Variants in TMEM106B observed in about 807,000 individuals in gnomAD.
The protein encoded by TMEM106B is transmembrane protein 106B.
TMEM106B carries 15 observed loss-of-function variants against 31.1 expected under a neutral mutation model. The observed-to-expected ratio is 0.48, with a 90% CI of 0.32 to 0.74. The LOEUF is 0.74. Ranked by LOEUF, TMEM106B falls within the 30% of genes least tolerant of loss-of-function variation. The probability of loss-of-function intolerance (pLI) is 0.03; values close to 1 mark genes in which losing one functional copy is unlikely to be tolerated. For synonymous variants in TMEM106B, 126 were observed against 112.5 expected (o/e 1.12, Z -0.76); for missense variants, 283 against 327.3 (o/e 0.86, Z 1.04).
rs996712243 is a variant in TMEM106B at position 12,236,368 on chromosome 7, A to C, written c.*4393A>C. 6.6e-6 allele frequency: 1 copy of C among 151,818 alleles called. No individual in the cohort carries two copies. The highest frequency in any genetic ancestry group is 1.9e-4 in the East Asian group (1 of 5,188). 9.4% of individuals were successfully genotyped at this position (151,818 alleles called of 1,614,324 possible). On this transcript the variant is annotated 3_prime_UTR_variant, in exon 8 of 8. Coordinates refer to ENST00000396668, the MANE Select transcript of TMEM106B (RefSeq NM_001134232.2). ...TTATTTGTACAAGTATTTATCACAG[A>C]CTCTAAATTGAAAAATGTAGTATGA...
intron 4 of TMEM106B, among the ~76,000 whole-genome samples, chr7:12,228,254 A>G (rs1047345161): frequency 3.3e-5 from 5 of 151,762 alleles, no homozygotes; most frequent in Non-Finnish European, 7.4e-5. Flanking sequence ...TTTTTTTACT[A>G]AAACTATTTT....
intron 1 of TMEM106B, among the ~76,000 whole-genome samples, chr7:12,212,913 G>A (rs1030516679): frequency 6.6e-6 from 1 of 152,072 alleles, no homozygotes. Flanking sequence ...TTTAGGAACC[G>A]CTAAAAGACA....
chr7:12,224,912 C>T lies in TMEM106B; in HGVS notation c.441+527C>T, dbSNP rs753274285. Among the ~76,000 whole-genome samples the T allele has an allele frequency of 7.1e-4, 107 of 151,560 alleles. 1 individual carries two copies. The highest frequency in any genetic ancestry group is 7.9e-4 in the Admixed American group (12 of 15,186). On this transcript the variant is annotated intron_variant, in intron 4 of 7. Transcript: ENST00000396668. ...TATTAAGTTCTAGGGTACATGTGCA[C>T]AGCATGCAGGTTTGTTACATATGTA... is the stretch of plus-strand genomic sequence containing the variant.
chr7:12,225,227 A>T (rs1178119852), intron 4 of TMEM106B, among the ~76,000 whole-genome samples: 1 of 152,176 alleles, frequency 6.6e-6, no homozygotes, highest in Non-Finnish European at 1.5e-5. Flanking sequence ...ATAGTATTCC[A>T]TGGTGTATAT....
At chr7:12,216,752 A>G (rs1430583783) in intron 2 of TMEM106B, among the ~76,000 whole-genome samples, 1 of 152,206 alleles carries the variant, frequency 6.6e-6, no homozygotes, top group Non-Finnish European at 1.5e-5. Context: ...AAGTGAAGAA[A>G]GTGTACCAAG....
chr7:12,240,900 A>T lies in TMEM106B; in HGVS notation c.*8925A>T, dbSNP rs1450780720. 2 of 152,164 alleles carry T rather than the reference A, an allele frequency of 1.3e-5. No individual in the cohort carries two copies. Among genetic ancestry groups the T allele is most frequent in the African/African-American group, 4.8e-5 (2 of 41,438 alleles). The allele number at this position is 152,164 out of a possible 1,614,324, so 9.4% of individuals were successfully genotyped here. On this transcript the variant is annotated 3_prime_UTR_variant, in exon 8 of 8. Coordinates refer to ENST00000396668, the MANE Select transcript of TMEM106B (RefSeq NM_001134232.2). ...AGTGTACAGTCACTTCTTCAGTGAT[A>T]ACTTACTGAGTGTGATTCAACAAAA...
rs1782188747 is a variant in TMEM106B, at chr7:12,238,746, T to C, written c.*6771T>C. 3 of 152,150 alleles carry C rather than the reference T, an allele frequency of 2.0e-5. No individual in the cohort carries two copies. The South Asian group carries it at 6.2e-4, about 32-fold the overall frequency. 9.4% of individuals were successfully genotyped at this position (152,150 alleles called of 1,614,324 possible). A position where few individuals can be genotyped will look rare whatever the true frequency, so the allele number is the denominator to read the frequency against. On this transcript the variant is annotated 3_prime_UTR_variant, in exon 8 of 8. Coordinates refer to ENST00000396668, the MANE Select transcript of TMEM106B (RefSeq NM_001134232.2). Reference sequence around the variant, plus strand: ...CAGGTACATTGTCAATGAGTAGTAATACTTTGAAAGGAATTTTTTTTTCCA... The same window carrying C: ...CAGGTACATTGTCAATGAGTAGTAACACTTTGAAAGGAATTTTTTTTTCCA...
In TMEM106B at chr7:12,232,893, G is replaced by C. The variant is rs2128528252; in HGVS notation, c.*918G>C. ...AAATAAATTTGAAATAAAATATTTT[G>C]ATGCTCCATTTTTTTATGTTGCTTT... is the stretch of plus-strand genomic sequence containing the variant. On this transcript the variant is annotated 3_prime_UTR_variant, in exon 8 of 8. Transcript: ENST00000396668. 6.6e-6 allele frequency: 1 copy of C among 151,888 alleles called. No homozygotes were observed. Among genetic ancestry groups the C allele is most frequent in the Admixed American group, 6.6e-5 (1 of 15,230 alleles). The allele number at this position is 151,888 out of a possible 1,614,324, so 9.4% of individuals were successfully genotyped here. A position where few individuals can be genotyped will look rare whatever the true frequency, so the allele number is the denominator to read the frequency against.
Position 12,233,000 on chromosome 7 carries a change from A to G in TMEM106B, c.*1025A>G, listed in dbSNP as rs1179229516. ...TTTTATCAATGTTTTAGAGGAGGAA[A>G]TTATTTTTTTGGTAGAAATTGTTCA... On this transcript the variant is annotated 3_prime_UTR_variant, in exon 8 of 8. Transcript: ENST00000396668. The G allele has an allele frequency of 1.3e-5, 2 of 151,768 alleles. No individual in the cohort carries two copies. The highest frequency in any genetic ancestry group is 2.4e-5 in the African/African-American group (1 of 41,410). The allele number at this position is 151,768 out of a possible 1,614,324, so 9.4% of individuals were successfully genotyped here. A position where few individuals can be genotyped will look rare whatever the true frequency, so the allele number is the denominator to read the frequency against.
intron 4 of TMEM106B, among the ~76,000 whole-genome samples, chr7:12,227,416 G>A (rs1475754565): frequency 2.0e-5 from 3 of 151,764 alleles, no homozygotes; most frequent in Non-Finnish European, 2.9e-5. Context: ...ATATATTTAC[G>A]AACAATGCAT....
At position 12,237,217 on chromosome 7, in the gene TMEM106B, T is replaced by C. The variant is rs1030398766; in HGVS notation, c.*5242T>C. ...GTAGTTGTGTATGACGCAATAAAAT[T>C]TGTAAAAAAATTTCAGCATGAAAAA... On this transcript the variant is annotated 3_prime_UTR_variant, in exon 8 of 8. Coordinates refer to ENST00000396668, the MANE Select transcript of TMEM106B (RefSeq NM_001134232.2). 1 of 152,154 alleles carries C rather than the reference T, an allele frequency of 6.6e-6. No homozygotes were observed. The highest frequency in any genetic ancestry group is 2.4e-5 in the African/African-American group (1 of 41,452). 9.4% of individuals were successfully genotyped at this position (152,154 alleles called of 1,614,324 possible).
chr7:12,215,432 C>T (rs1369854572), intron 2 of TMEM106B, among the ~76,000 whole-genome samples: 1 of 149,076 alleles, frequency 6.7e-6, no homozygotes, highest in Non-Finnish European at 1.5e-5. Context: ...GATGAGATCT[C>T]GCAATTGTTG....
chr7:12,218,233 G>C (rs897435852), intron 2 of TMEM106B, among the ~76,000 whole-genome samples: 1 of 131,606 alleles, frequency 7.6e-6, no homozygotes, highest in East Asian at 2.2e-4. Context: ...GCCCTCATTT[G>C]TTATACTTTT....
chr7:12,226,127 G>A (rs1404789016), intron 4 of TMEM106B, among the ~76,000 whole-genome samples: 1 of 104,172 alleles, frequency 9.6e-6, no homozygotes, highest in Non-Finnish European at 1.9e-5. Flanking sequence ...TATTAAATAG[G>A]GAATCCTTTC....
chr7:12,230,536 CAA>C, intron 6 of TMEM106B, 98 bp downstream of exon 6: 1 of 788,478 alleles, frequency 1.3e-6, no homozygotes. Context: ...CGTTATCAGT[CAA>C]AAAGAGTACA....
intron 3 of TMEM106B, among the ~76,000 whole-genome samples, chr7:12,219,088 C>T (rs1048060894): frequency 1.3e-5 from 2 of 152,092 alleles, no homozygotes; most frequent in East Asian, 1.9e-4. Flanking sequence ...TAAGTATCTT[C>T]GAGATCAGAA....
intron 3 of TMEM106B, among the ~76,000 whole-genome samples, chr7:12,222,963 A>T (rs1781816991): frequency 6.6e-6 from 1 of 152,204 alleles, no homozygotes; most frequent in Non-Finnish European, 1.5e-5. Context: ...GGAAGAAACA[A>T]TAAAATGGAA....
chr7:12,227,748 G>T (rs993816662), intron 4 of TMEM106B, among the ~76,000 whole-genome samples: 3 of 134,168 alleles, frequency 2.2e-5, no homozygotes, highest in Non-Finnish European at 5.0e-5. Context: ...CAATTATGGT[G>T]ATCTCTTTTC....
intron 2 of TMEM106B, among the ~76,000 whole-genome samples, chr7:12,218,078 G>C (rs1781722429): frequency 6.6e-6 from 1 of 152,012 alleles, no homozygotes; most frequent in Non-Finnish European, 1.5e-5. Flanking sequence ...TTCAGGAAAG[G>C]GCGATACCAA....
Sources: allele counts gnomAD v4.1 joint callset (sites outside exome capture counted in the v4.1 genomes callset), GRCh38; gene constraint gnomAD v4.1.1; transcripts MANE v1.5; gene names NCBI Gene and HGNC (gene_info 2026-07-23, HGNC 2026-07-21).